The following MADD variants were observed in gnomAD, a reference collection of about 807,000 sequenced individuals.
MADD encodes the protein MAP kinase-activating death domain protein.
A neutral mutation model predicts 176.7 loss-of-function variants in MADD; 109 were observed. The ratio of observed to expected loss-of-function variants is 0.62; its 90% CI spans 0.53 to 0.72. The LOEUF (loss-of-function observed/expected upper bound fraction) is 0.72. Ranked by LOEUF, MADD falls within the 30% of genes least tolerant of loss-of-function variation. The pLI, the probability that MADD is intolerant of heterozygous loss-of-function variation, is 0.00. For missense variants in MADD, 1,914 were observed against 2,045.5 expected (o/e 0.94, Z 1.24); for synonymous variants, 771 against 771.3 (o/e 1.00, Z 0.01).
At chr11:47,285,070 G>A (rs573674843) in exon 13 of MADD, 1 of 1,614,178 alleles carries the variant, frequency 6.2e-7, no homozygotes, top group Non-Finnish European at 8.5e-7. Context: ...AGAGGGGTCA[G>A]TGCGCCGGCG....
intron 26 of MADD, among the ~76,000 whole-genome samples, chr11:47,313,672 C>G (rs1485366942): frequency 6.6e-6 from 1 of 152,048 alleles, no homozygotes; most frequent in East Asian, 1.9e-4. Flanking sequence ...GATAAAAGAT[C>G]TACTCAAAAT....
rs2064484857 is a variant in MADD at position 47,290,829 on chromosome 11, G to A, written c.3301+13G>A. ...ATAGCATCTATTGGTACGTATCAGT[G>A]TGTTTGGTGTGGTGGAGGGGTCCTG... On this transcript the variant is annotated intron_variant, in intron 19 of 32. Coordinates refer to ENST00000402192, the Ensembl canonical transcript of MADD. 1.3e-6 allele frequency: 2 copies of A among 1,590,130 alleles called. No individual in the cohort carries two copies. Among genetic ancestry groups the A allele is most frequent in the Non-Finnish European group, 1.7e-6 (2 of 1,160,496 alleles).
At chr11:47,271,882 A>G (rs991643207) in intron 1 of MADD, 2 of 151,966 alleles carry the variant, frequency 1.3e-5, no homozygotes, top group Non-Finnish European at 2.9e-5. Flanking sequence ...ATAGTGCCCC[A>G]CCTCCTGCAG....
intron 22 of MADD, among the ~76,000 whole-genome samples, chr11:47,297,377 C>T (rs145521271): frequency 1.6e-3 from 248 of 152,120 alleles, no homozygotes; most frequent in African/African-American, 5.3e-3. Context: ...TCAGTCTGAA[C>T]AGACTGATTG....
chr11:47,270,753 C>T (rs532992022), intron 1 of MADD: 1 of 152,396 alleles, frequency 6.6e-6, no homozygotes, highest in African/African-American at 2.4e-5. Context: ...CCTCCCCATC[C>T]TCGTGTATCT....
chr11:47,309,303 G>C, exon 24 of MADD: 1 of 1,614,194 alleles, frequency 6.2e-7, no homozygotes, highest in Non-Finnish European at 8.5e-7. Context: ...CTACTTTATG[G>C]GACCAAATGC....
chr11:47,295,016 T>TG (rs1317697012), intron 20 of MADD, among the ~76,000 whole-genome samples: 97 of 123,978 alleles, frequency 7.8e-4, no homozygotes, highest in African/African-American at 3.1e-3. Flanking sequence ...TTTGTTTTTT[T>TG]GTTTTTTTTT....
Position 47,289,033 on chromosome 11 carries a change from T to A in MADD, c.2654-358T>A, listed in dbSNP as rs1465761655. 1 of 1,591,104 alleles carries A rather than the reference T, an allele frequency of 6.3e-7. No homozygotes were observed. The highest frequency in any genetic ancestry group is 1.9e-5 in the Admixed American group (1 of 51,988). ...CGGCCCCGGGAGTGGTGAAGGTGGG[T>A]CTTGCCTGTGAGCTGTGCATGATCT... On this transcript the variant is annotated intron_variant, in intron 15 of 32. Coordinates refer to ENST00000402192, the Ensembl canonical transcript of MADD.
intron 32 of MADD, 55 bp from the exon 37 acceptor site, chr11:47,328,991 A>G: frequency 7.1e-7 from 1 of 1,404,262 alleles, no homozygotes; most frequent in Non-Finnish European, 1.0e-6. Flanking sequence ...GATCCTTCAC[A>G]TATGGAGATG....
At chr11:47,323,863 G>A (rs370151161) in intron 28 of MADD, 28 bp downstream of exon 31, 52 of 1,606,500 alleles carry the variant, frequency 3.2e-5, no homozygotes, top group South Asian at 7.7e-5. Context: ...TTGGGTTGGG[G>A]CTAGTAGGCA....
At chr11:47,284,416 G>A (rs758827885) in exon 12 of MADD, 25 of 1,614,168 alleles carry the variant, frequency 1.5e-5, no homozygotes, top group East Asian at 2.2e-5. Flanking sequence ...GGATGCCAGC[G>A]AGGTGGAGAT....
intron 22 of MADD, among the ~76,000 whole-genome samples, chr11:47,308,261 T>G (rs2084767591): frequency 6.6e-6 from 1 of 152,240 alleles, no homozygotes; most frequent in African/African-American, 2.4e-5. Context: ...ATCTGAACTT[T>G]GGTCAGTCTG....
chr11:47,304,900 A>C (rs1336390245), intron 22 of MADD, among the ~76,000 whole-genome samples: 1 of 152,188 alleles, frequency 6.6e-6, no homozygotes, highest in Non-Finnish European at 1.5e-5. Flanking sequence ...TTCATAGAGA[A>C]AGACTTTCAC....
chr11:47,285,570 G>C, exon 14 of MADD: 1 of 1,614,092 alleles, frequency 6.2e-7, no homozygotes, highest in Non-Finnish European at 8.5e-7. Flanking sequence ...GAGGGCTTCG[G>C]GGGCATCATG....
At chr11:47,321,514 C>T (rs1355469852) in intron 27 of MADD, among the ~76,000 whole-genome samples, 1 of 151,994 alleles carries the variant, frequency 6.6e-6, no homozygotes, top group Admixed American at 6.6e-5. Context: ...TTTCTATTGC[C>T]CTTAGCATTG....
intron 23 of MADD, 88 bp from the exon 26 acceptor site, chr11:47,308,892 T>G (rs1460843317): frequency 1.4e-5 from 19 of 1,316,454 alleles, no homozygotes; most frequent in Non-Finnish European, 2.1e-5. Context: ...CAAGATTGGG[T>G]TTTGGTGTTA....
intron 3 of MADD, 55 bp downstream of exon 3, chr11:47,275,214 T>G (rs2048537473): frequency 6.7e-7 from 1 of 1,503,176 alleles, no homozygotes; most frequent in Non-Finnish European, 9.0e-7. Context: ...TCCATGTAAT[T>G]GGTCTTTGAG....
chr11:47,323,579 GA>G, intron 27 of MADD, 91 bp from the exon 31 acceptor site: 1 of 1,364,032 alleles, frequency 7.3e-7, no homozygotes, highest in Admixed American at 2.0e-5. Context: ...TGACCATGGG[GA>G]TGCCCCAGGA....
rs1289704334 is a variant in MADD at position 47,281,449 on chromosome 11, G to C, written c.1291-126G>C. 5 of 656,212 alleles carry C rather than the reference G, an allele frequency of 7.6e-6. No homozygotes were observed. In the East Asian group the frequency reaches 1.2e-4, roughly 16 times the overall value. 40.6% of individuals were successfully genotyped at this position (656,212 alleles called of 1,614,324 possible). On this transcript the variant is annotated intron_variant, in intron 7 of 32. Transcript: ENST00000402192. ...GATTTGCAAATTAGCACCGTTCTTT[G>C]TTGCAGAACTTTTTGACCAGAGAAT... is the stretch of plus-strand genomic sequence containing the variant.
Sources: allele counts gnomAD v4.1 joint callset (sites outside exome capture counted in the v4.1 genomes callset), GRCh38; gene constraint gnomAD v4.1.1; transcripts MANE v1.5; gene names NCBI Gene and HGNC (gene_info 2026-07-23, HGNC 2026-07-21).